The following RBFOX1 variants were observed in gnomAD, a reference collection of about 807,000 sequenced individuals.
The protein encoded by RBFOX1 is RNA binding protein fox-1 homolog 1.
RBFOX1 carries 8 observed loss-of-function variants against 57.7 expected under a neutral mutation model. The ratio of observed to expected loss-of-function variants is 0.14; its 90% CI spans 0.08 to 0.25. The LOEUF (loss-of-function observed/expected upper bound fraction) is 0.25, where lower values mean the gene tolerates loss of function less well. RBFOX1 is among the 10% of genes least tolerant of loss of function. RBFOX1 has a pLI of 1.00. For missense variants in RBFOX1, 611 were observed against 548.5 expected (o/e 1.11, Z -1.14); for synonymous variants, 326 against 222.4 (o/e 1.47, Z -4.15).
At chr16:7,572,650 T>C (rs2092907046) in intron 5 of RBFOX1, among the ~76,000 whole-genome samples, 1 of 152,050 alleles carries the variant, frequency 6.6e-6, no homozygotes, top group African/African-American at 2.4e-5. Flanking sequence ...CCATCCTGGC[T>C]AACGCGGTGA....
intron 2 of RBFOX1, among the ~76,000 whole-genome samples, chr16:6,401,937 A>G (rs1398375078): frequency 6.6e-6 from 1 of 151,940 alleles, no homozygotes; most frequent in African/African-American, 2.4e-5. Flanking sequence ...GAGAGAAGAA[A>G]ATACCCAGGG....
intron 4 of RBFOX1, among the ~76,000 whole-genome samples, chr16:7,208,993 G>T (rs972972167): frequency 6.6e-6 from 1 of 151,934 alleles, no homozygotes; most frequent in South Asian, 2.1e-4. Flanking sequence ...ATGCATGTCT[G>T]TGTCCAAAAT....
intron 1 of RBFOX1, among the ~76,000 whole-genome samples, chr16:6,204,984 G>A (rs78074048): frequency 0.032 from 4,842 of 152,230 alleles, 104 homozygotes; most frequent in East Asian, 0.046. Flanking sequence ...GCAATAAAAG[G>A]AATTTGCTTT....
intron 2 of RBFOX1, among the ~76,000 whole-genome samples, chr16:6,339,323 A>T (rs146777228): frequency 6.6e-6 from 1 of 152,196 alleles, no homozygotes; most frequent in Non-Finnish European, 1.5e-5. Context: ...CTGTGATTTT[A>T]ATAGGTTTGT....
At chr16:7,091,165 T>C (rs937831338) in intron 4 of RBFOX1, among the ~76,000 whole-genome samples, 1 of 152,210 alleles carries the variant, frequency 6.6e-6, no homozygotes, top group Non-Finnish European at 1.5e-5. Flanking sequence ...AATAACTCTT[T>C]CCATTTTATT....
chr16:7,260,902 G>A (rs997364961), intron 4 of RBFOX1, among the ~76,000 whole-genome samples: 1 of 152,176 alleles, frequency 6.6e-6, no homozygotes, highest in African/African-American at 2.4e-5. Flanking sequence ...AGTCACTGGG[G>A]TTGGACCCAT....
Position 6,507,809 on chromosome 16 carries a change from G to C in RBFOX1, c.-63-146794G>C, listed in dbSNP as rs930385325. On this transcript the variant is annotated intron_variant, in intron 2 of 15. Coordinates refer to ENST00000550418, the MANE Select transcript of RBFOX1 (RefSeq NM_018723.4). Reference sequence around the variant, plus strand: ...CAGAAAGTAGAGTGGTGGTTAGCCAGGGCTAGAAGGAGGGGGGAATGGGGA... The same window carrying C: ...CAGAAAGTAGAGTGGTGGTTAGCCACGGCTAGAAGGAGGGGGGAATGGGGA... Among the ~76,000 whole-genome samples, 3 of 152,086 alleles carry C rather than the reference G, an allele frequency of 2.0e-5. No individual in the cohort carries two copies. The East Asian group carries it at 5.8e-4, about 29-fold the overall frequency.
chr16:7,561,309 C>T (rs1281473420), intron 5 of RBFOX1, among the ~76,000 whole-genome samples: 2 of 152,204 alleles, frequency 1.3e-5, no homozygotes, highest in Non-Finnish European at 2.9e-5. Flanking sequence ...TGATGCCCAA[C>T]TATTCACTCT....
intron 3 of RBFOX1, among the ~76,000 whole-genome samples, chr16:6,945,498 A>C (rs1368899269): frequency 6.6e-6 from 1 of 152,006 alleles, no homozygotes; most frequent in Non-Finnish European, 1.5e-5. Context: ...TGGGAAATCT[A>C]ATTCTCATTT....
At chr16:6,165,333 C>G (rs1230217720) in intron 1 of RBFOX1, among the ~76,000 whole-genome samples, 2 of 152,076 alleles carry the variant, frequency 1.3e-5, no homozygotes, top group East Asian at 1.9e-4. Context: ...CTGAACTACC[C>G]TTACCAGTGC....
intron 4 of RBFOX1, among the ~76,000 whole-genome samples, chr16:7,489,674 C>T (rs1004245967): frequency 1.3e-5 from 2 of 151,928 alleles, no homozygotes; most frequent in South Asian, 4.2e-4. Flanking sequence ...CACCACTATG[C>T]CCAGAAAATT....
Position 7,518,127 on chromosome 16 carries a change from G to A in RBFOX1, c.28-20G>A. 1 of 1,602,316 alleles carries A rather than the reference G, an allele frequency of 6.2e-7. No individual in the cohort carries two copies. The highest frequency in any genetic ancestry group is 8.5e-7 in the Non-Finnish European group (1 of 1,173,678). On this transcript the variant is annotated intron_variant, in intron 4 of 15. Coordinates refer to ENST00000550418, the MANE Select transcript of RBFOX1 (RefSeq NM_018723.4). The stretch of plus-strand genomic sequence containing the variant: ...TCCTCATGACGTTCTCTCCCTCTCT[G>A]CACCTTTTTGATTTTTCAGGGTAAT...
intron 3 of RBFOX1, among the ~76,000 whole-genome samples, chr16:5,779,598 A>G (rs962321563): frequency 2.0e-5 from 3 of 152,078 alleles, no homozygotes; most frequent in Non-Finnish European, 2.9e-5. Context: ...TGTTCTTGTG[A>G]ATGTTGGTGA....
intron 1 of RBFOX1, among the ~76,000 whole-genome samples, chr16:6,073,331 C>G (rs1392178525): frequency 6.6e-6 from 1 of 152,130 alleles, no homozygotes; most frequent in Non-Finnish European, 1.5e-5. Flanking sequence ...TTGCACCAAC[C>G]TAATAAAATT....
Position 5,480,541 on chromosome 16 carries a change from G to A in RBFOX1, c.258+13287G>A, listed in dbSNP as rs148678425. On this transcript the variant is annotated intron_variant, in intron 2 of 2. Coordinates refer to the RBFOX1 transcript ENST00000585867. ...GACAATTCAAATGGTATAGAAAGAT[G>A]CACAATGCCCTGTTCGCCCAGTCCA... Among the ~76,000 whole-genome samples, 448 of 152,266 alleles carry A rather than the reference G, an allele frequency of 2.9e-3. 2 individuals are homozygous for A. The highest frequency in any genetic ancestry group is 0.01 in the African/African-American group (429 of 41,546).
intron 3 of RBFOX1, among the ~76,000 whole-genome samples, chr16:7,025,796 C>T (rs973207006): frequency 2.6e-5 from 4 of 152,110 alleles, no homozygotes; most frequent in African/African-American, 9.7e-5. Flanking sequence ...GCAGATGGCG[C>T]TGCAGGGATT....
At chr16:7,233,396 A>G (rs1044021003) in intron 4 of RBFOX1, among the ~76,000 whole-genome samples, 4 of 152,170 alleles carry the variant, frequency 2.6e-5, no homozygotes, top group Non-Finnish European at 4.4e-5. Context: ...CACCATTTGT[A>G]ATTTTAAACA....
chr16:5,454,911 T>C (rs1296915856), intron 1 of RBFOX1, among the ~76,000 whole-genome samples: 3,340 of 94,218 alleles, frequency 0.035, 215 homozygotes, highest in East Asian at 0.074. Context: ...TCTTTCTTTC[T>C]TTCCTTTGTT....
intron 4 of RBFOX1, among the ~76,000 whole-genome samples, chr16:7,454,195 G>A (rs756844903): frequency 5.3e-5 from 8 of 152,072 alleles, no homozygotes; most frequent in Admixed American, 2.0e-4. Context: ...ATCATGCCAC[G>A]GCACTCCAGC....
Sources: allele counts gnomAD v4.1 joint callset (sites outside exome capture counted in the v4.1 genomes callset), GRCh38; gene constraint gnomAD v4.1.1; transcripts MANE v1.5; gene names NCBI Gene and HGNC (gene_info 2026-07-23, HGNC 2026-07-21).